Variants in CELF2 observed in about 807,000 individuals in gnomAD.
CELF2 encodes CUG triplet repeat RNA-binding protein 2.
In CELF2, 8 loss-of-function variants were observed where a neutral mutation model predicts 62.6. The observed-to-expected ratio is 0.13, with a 90% CI of 0.07 to 0.23. The LOEUF (loss-of-function observed/expected upper bound fraction) is 0.23. CELF2 is among the 10% of genes least tolerant of loss of function. The pLI is 1.00. For synonymous variants in CELF2, 258 were observed against 250.0 expected, an observed-to-expected ratio of 1.03 and a Z score of -0.30; for missense variants, 333 against 671.0, an observed-to-expected ratio of 0.50 and a Z score of 5.56.
intron 1 of CELF2, among the ~76,000 whole-genome samples, chr10:11,153,748 G>T (rs534756614): frequency 6.6e-6 from 1 of 152,332 alleles, no homozygotes; most frequent in Non-Finnish European, 1.5e-5. Context: ...GGGTGATTTT[G>T]ACACTGTGAA....
chr10:10,621,922 C>T, the CELF2 span, among the ~76,000 whole-genome samples: 3 of 152,186 alleles, frequency 2.0e-5, no homozygotes, highest in African/African-American at 7.2e-5. Context: ...AAATGCGTTC[C>T]ATATTAGAAA....
At position 10,921,457 on chromosome 10, in the gene CELF2, T is replaced by TG. The variant is rs577462263; in HGVS notation, c.89+1462dup. 4.7e-5 allele frequency among the ~76,000 whole-genome samples: 7 copies of TG among 148,042 alleles called. No individual in the cohort carries two copies. In the South Asian group the frequency reaches 1.5e-3, roughly 32 times the overall value. ...CTAACTTTTGTATTTTTAGTAGAGA[T>TG]GGGGTTTCACCATGTTGGCCAGCTG... On this transcript the variant is annotated intron_variant, in intron 2 of 13. Coordinates refer to the CELF2 transcript ENST00000636488.
Position 10,979,187 on chromosome 10 carries a change from C to A in CELF2, c.89+59188C>A, listed in dbSNP as rs535145271. 3.9e-5 allele frequency among the ~76,000 whole-genome samples: 6 copies of A among 152,222 alleles called. No individual in the cohort carries two copies. In the East Asian group the frequency reaches 1.2e-3, roughly 29 times the overall value. ...GGTAACTGGGGCCCCTCCCACACAC[C>A]CACGTTTATGTATCAGGAGCGGTAA... is the stretch of plus-strand genomic sequence containing the variant. On this transcript the variant is annotated intron_variant, in intron 2 of 13. Transcript: ENST00000636488.
At chr10:10,518,496 T>C in the CELF2 span, among the ~76,000 whole-genome samples, 2 of 152,172 alleles carry the variant, frequency 1.3e-5, no homozygotes, top group South Asian at 2.1e-4. Flanking sequence ...GAGAGTGAAA[T>C]GGGATCTTTA....
chr10:11,318,782 G>A lies in CELF2; in HGVS notation c.1097-2407G>A, dbSNP rs975861787. ...TAAAAAAACAGCTGTGTACAGAGAA[G>A]GGAGTTGGGTCCCAGTGACCACTGC... On this transcript the variant is annotated intron_variant, in intron 10 of 12. Transcript: ENST00000633077. This position sits in a 1 kb window ranked among gnomAD's most constrained non-coding sequence, Gnocchi z 5.4. The A allele has an allele frequency of 8.5e-6, 4 of 471,266 alleles. No homozygotes were observed. Among genetic ancestry groups the A allele is most frequent in the African/African-American group, 6.0e-5 (3 of 50,066 alleles). The allele number at this position is 471,266 out of a possible 1,614,324, so 29.2% of individuals were successfully genotyped here.
At chr10:11,140,106 CAGTT>C (rs780571266) in intron 1 of CELF2, among the ~76,000 whole-genome samples, 4 of 152,174 alleles carry the variant, frequency 2.6e-5, no homozygotes, top group Non-Finnish European at 5.9e-5. Flanking sequence ...TCTGCTCAAT[CAGTT>C]AGTCAGAAGT....
At chr10:10,705,648 C>G in the CELF2 span, among the ~76,000 whole-genome samples, 3 of 152,250 alleles carry the variant, frequency 2.0e-5, no homozygotes, top group Admixed American at 2.0e-4. Flanking sequence ...TATCTTTCCC[C>G]CCAAAAGCTT....
At chr10:10,665,378 T>A in the CELF2 span, among the ~76,000 whole-genome samples, 1 of 152,194 alleles carries the variant, frequency 6.6e-6, no homozygotes, top group African/African-American at 2.4e-5. Flanking sequence ...TATATGTAAA[T>A]GTATCCATAA....
the CELF2 span, among the ~76,000 whole-genome samples, chr10:10,511,472 T>C: frequency 2.6e-5 from 4 of 152,044 alleles, no homozygotes; most frequent in Non-Finnish European, 5.9e-5. Flanking sequence ...TATATATATT[T>C]ATATATGGGT....
chr10:10,564,682 G>GCACACA, the CELF2 span, among the ~76,000 whole-genome samples: 5 of 130,776 alleles, frequency 3.8e-5, no homozygotes, highest in African/African-American at 1.1e-4. Flanking sequence ...ACGCACACAC[G>GCACACA]CACACACACA....
intron 2 of CELF2, among the ~76,000 whole-genome samples, chr10:10,944,742 C>T (rs1445974570): frequency 6.6e-6 from 1 of 151,986 alleles, no homozygotes; most frequent in East Asian, 1.9e-4. Flanking sequence ...GCTGGGATTA[C>T]AGGTGTGCAC....
At chr10:10,631,510 C>T in the CELF2 span, among the ~76,000 whole-genome samples, 4 of 152,260 alleles carry the variant, frequency 2.6e-5, no homozygotes, top group East Asian at 7.7e-4. Flanking sequence ...CCACCACCAC[C>T]CATTCTGTTG....
At chr10:10,994,632 C>T (rs2053762236) in intron 2 of CELF2, among the ~76,000 whole-genome samples, 2 of 152,202 alleles carry the variant, frequency 1.3e-5, no homozygotes, top group Non-Finnish European at 1.5e-5. Context: ...GTGAACAGCA[C>T]ATGCAAGGGA....
the CELF2 span, among the ~76,000 whole-genome samples, chr10:10,566,289 T>G: frequency 6.6e-6 from 1 of 151,852 alleles, no homozygotes; most frequent in African/African-American, 2.4e-5. Context: ...TCCCATTCAC[T>G]TCCACAGCAA....
At chr10:10,697,767 C>T in the CELF2 span, among the ~76,000 whole-genome samples, 8 of 152,138 alleles carry the variant, frequency 5.3e-5, 1 homozygote, top group African/African-American at 7.2e-5. Flanking sequence ...CCCCCAATAC[C>T]ATCACCATGG....
In CELF2 at chr10:11,100,375, A is replaced by T. The variant is rs182068995; in HGVS notation, c.75-65111A>T. On this transcript the variant is annotated intron_variant, in intron 1 of 12. Transcript: ENST00000633077. ...GAATTCCACATACTTTTTAATTTTT[A>T]AATTTTTACTCCAGTAGTTTTTGGG... Among the ~76,000 whole-genome samples the T allele has an allele frequency of 2.4e-3, 369 of 151,336 alleles. 1 individual carries two copies. The highest frequency in any genetic ancestry group is 3.2e-3 in the Admixed American group (48 of 15,072).
At chr10:11,009,073 G>A (rs1279280733) in intron 1 of CELF2, among the ~76,000 whole-genome samples, 2 of 151,174 alleles carry the variant, frequency 1.3e-5, no homozygotes, top group East Asian at 3.9e-4. Context: ...TCCTGGATAT[G>A]GGATTCTTTT....
chr10:10,568,349 G>A, the CELF2 span, among the ~76,000 whole-genome samples: 2 of 152,222 alleles, frequency 1.3e-5, no homozygotes, highest in African/African-American at 4.8e-5. Context: ...TCCCAGATCA[G>A]GGATCAGCAA....
intron 9 of CELF2, among the ~76,000 whole-genome samples, chr10:11,298,539 CAG>C (rs2093412072): frequency 6.6e-6 from 1 of 152,180 alleles, no homozygotes; most frequent in Non-Finnish European, 1.5e-5. Context: ...CAGAATGTAA[CAG>C]AGGATTTCTA....
Sources: gnomAD v4.1 joint callset for allele counts (sites outside exome capture counted in the v4.1 genomes callset) on GRCh38, gnomAD v4.1.1 for gene constraint, Gnocchi (gnomAD v3.1) non-coding constraint, MANE v1.5 for transcripts, NCBI Gene and HGNC (gene_info 2026-07-23, HGNC 2026-07-21) for gene names.